The following PLEKHG1 variants were observed in gnomAD, a reference collection of about 807,000 sequenced individuals.
The protein encoded by PLEKHG1 is pleckstrin homology domain-containing family G member 1.
A neutral mutation model predicts 100.8 loss-of-function variants in PLEKHG1; 44 were observed. That is an observed-to-expected ratio of 0.44 (90% CI 0.34 to 0.56). The LOEUF (loss-of-function observed/expected upper bound fraction) is 0.56. Among genes scored for constraint, PLEKHG1 ranks in the 20% least tolerant of loss-of-function variants. The pLI, the probability that PLEKHG1 is intolerant of heterozygous loss-of-function variation, is 0.01. For missense variants in PLEKHG1, 1,545 were observed against 1,720.9 expected, an observed-to-expected ratio of 0.90 and a Z score of 1.81; for synonymous variants, 640 against 662.5, an observed-to-expected ratio of 0.97 and a Z score of 0.52.
At chr6:150,671,962 C>T (rs551064426) in intron 3 of PLEKHG1, among the ~76,000 whole-genome samples, 3 of 152,086 alleles carry the variant, frequency 2.0e-5, no homozygotes, top group Non-Finnish European at 4.4e-5. Flanking sequence ...GTGATGGAAT[C>T]CAGTTCAGCT....
intron 1 of PLEKHG1, among the ~76,000 whole-genome samples, chr6:150,603,567 A>G (rs916215126): frequency 6.6e-6 from 1 of 152,186 alleles, no homozygotes; most frequent in African/African-American, 2.4e-5. Flanking sequence ...AAACAGCTTC[A>G]GGTATGCCTG....
rs535066631 is a variant in PLEKHG1, at chr6:150,785,907, T to C, written c.513-483T>C. Among the ~76,000 whole-genome samples the C allele has an allele frequency of 7.2e-5, 11 of 152,182 alleles. No homozygotes were observed. The South Asian group carries it at 1.9e-3, about 26-fold the overall frequency. On this transcript the variant is annotated intron_variant, in intron 3 of 15. Transcript: ENST00000358517. Reference sequence around the variant, plus strand: ...TATGAGAATCTAATGGTAAGTGTAATGCACTTGAGTCATCCCAAAACCATC... The same window carrying C: ...TATGAGAATCTAATGGTAAGTGTAACGCACTTGAGTCATCCCAAAACCATC...
At chr6:150,668,213 G>T (rs992145206) in intron 3 of PLEKHG1, among the ~76,000 whole-genome samples, 2 of 152,196 alleles carry the variant, frequency 1.3e-5, no homozygotes, top group African/African-American at 4.8e-5. Flanking sequence ...AGCATTGGCT[G>T]CCCTACCTGT....
At chr6:150,832,036 G>A (rs894179068) in exon 15 of PLEKHG1, 2 of 1,614,086 alleles carry the variant, frequency 1.2e-6, no homozygotes, top group Non-Finnish European at 8.5e-7. Context: ...CAAAAAGCAG[G>A]GTGTTTATGA....
At chr6:150,810,075 C>A (rs1192610948) in intron 10 of PLEKHG1, among the ~76,000 whole-genome samples, 1 of 151,958 alleles carries the variant, frequency 6.6e-6, no homozygotes, top group Non-Finnish European at 1.5e-5. Flanking sequence ...GCAGGTGGAA[C>A]ACTTGAGCCT....
At chr6:150,700,794 G>A (rs1780741600) in intron 3 of PLEKHG1, among the ~76,000 whole-genome samples, 1 of 152,138 alleles carries the variant, frequency 6.6e-6, no homozygotes, top group African/African-American at 2.4e-5. Flanking sequence ...CTCTGTCCTA[G>A]GAGAGAGTTG....
rs1782509726 is a variant in PLEKHG1 at position 150,735,332 on chromosome 6, TACTA to T, written c.411+1242_411+1245del. Reference sequence around the variant, plus strand: ...ATAAAGCTACACTTGCTTTGCTGCCTACTAATACACCAGATTCTTTCATTTGTTA... The same window carrying T: ...ATAAAGCTACACTTGCTTTGCTGCCTATACACCAGATTCTTTCATTTGTTA... On this transcript the variant is annotated intron_variant, in intron 2 of 15. Transcript: ENST00000358517. Among the ~76,000 whole-genome samples the T allele has an allele frequency of 7.2e-5, 11 of 152,318 alleles. 1 individual carries two copies. In the South Asian group the frequency reaches 2.3e-3, roughly 32 times the overall value.
At chr6:150,767,847 G>T (rs755932068) in intron 2 of PLEKHG1, among the ~76,000 whole-genome samples, 1 of 152,172 alleles carries the variant, frequency 6.6e-6, no homozygotes, top group Non-Finnish European at 1.5e-5. Flanking sequence ...CGTTATTTCA[G>T]CTGTTTTCAC....
chr6:150,685,297 C>T (rs1233118242), intron 3 of PLEKHG1, among the ~76,000 whole-genome samples: 1 of 152,084 alleles, frequency 6.6e-6, no homozygotes, highest in Admixed American at 6.6e-5. Flanking sequence ...GTGACAGGAA[C>T]AGAGATTTTG....
At chr6:150,735,925 C>T (rs1027352252) in intron 2 of PLEKHG1, among the ~76,000 whole-genome samples, 2 of 152,198 alleles carry the variant, frequency 1.3e-5, no homozygotes, top group Non-Finnish European at 2.9e-5. Flanking sequence ...CAGATAAAGA[C>T]AGAATTTATT....
In PLEKHG1 at chr6:150,736,312, G is replaced by T. The variant is rs182979540; in HGVS notation, c.411+2220G>T. ...GACCTGCCTCATAGGGTTATTATGA[G>T]AATTGGATAAGATAGCATAAAAAGC... On this transcript the variant is annotated intron_variant, in intron 2 of 15. Coordinates refer to ENST00000358517, the Ensembl canonical transcript of PLEKHG1. Among the ~76,000 whole-genome samples, 127 of 152,328 alleles carry T rather than the reference G, an allele frequency of 8.3e-4. 1 individual carries two copies. The highest frequency in any genetic ancestry group is 2.9e-3 in the African/African-American group (121 of 41,574).
chr6:150,649,371 C>T (rs1405327182), intron 2 of PLEKHG1, among the ~76,000 whole-genome samples: 1 of 152,190 alleles, frequency 6.6e-6, no homozygotes, highest in Non-Finnish European at 1.5e-5. Flanking sequence ...ATAATTAGCA[C>T]ATTCTGTGCC....
chr6:150,762,202 T>G (rs1006878734), intron 2 of PLEKHG1, among the ~76,000 whole-genome samples: 1 of 115,304 alleles, frequency 8.7e-6, no homozygotes, highest in African/African-American at 3.8e-5. Context: ...TCTCTTTTTC[T>G]TTTTTTTTTT....
chr6:150,833,890 CACTA>C (rs1255383414), intron 15 of PLEKHG1, among the ~76,000 whole-genome samples: 1 of 152,144 alleles, frequency 6.6e-6, no homozygotes, highest in Non-Finnish European at 1.5e-5. Context: ...AGGTTGATGC[CACTA>C]ACTATTAAAT....
At chr6:150,623,000 A>G (rs1180276317) in intron 1 of PLEKHG1, among the ~76,000 whole-genome samples, 1 of 151,260 alleles carries the variant, frequency 6.6e-6, no homozygotes, top group African/African-American at 2.4e-5. Context: ...TCCAATAGAT[A>G]TGGGTTCTTA....
exon 8 of PLEKHG1, chr6:150,809,137 G>C: frequency 6.2e-7 from 1 of 1,614,176 alleles, no homozygotes; most frequent in Admixed American, 1.7e-5. Context: ...ACTGGAAGGG[G>C]CCAGACCTGA....
intron 2 of PLEKHG1, among the ~76,000 whole-genome samples, chr6:150,641,108 TC>T (rs1420591827): frequency 2.0e-5 from 3 of 152,176 alleles, no homozygotes; most frequent in Admixed American, 6.5e-5. Context: ...TATTAGAGGC[TC>T]TTTTACGTTT....
rs140385056 is a variant in PLEKHG1 at position 150,624,085 on chromosome 6, C to T, written c.-203-13995C>T. Among the ~76,000 whole-genome samples the T allele has an allele frequency of 1.0e-3, 159 of 152,306 alleles. 1 individual carries two copies. The highest frequency in any genetic ancestry group is 3.4e-3 in the Middle Eastern group (1 of 294). On this transcript the variant is annotated intron_variant, in intron 1 of 3. Coordinates refer to the PLEKHG1 transcript ENST00000367326. ...AGGATCATCTATGTTAGGCACAATCCTCATGTAAGATCCTGCAGTGACTAC... is the reference window on the plus strand; with the variant it reads ...AGGATCATCTATGTTAGGCACAATCTTCATGTAAGATCCTGCAGTGACTAC...
chr6:150,685,769 G>A (rs1038341384), intron 3 of PLEKHG1, among the ~76,000 whole-genome samples: 1 of 152,168 alleles, frequency 6.6e-6, no homozygotes, highest in Non-Finnish European at 1.5e-5. Context: ...TCAGTTTTAG[G>A]TGATACGGGG....
Sources: allele counts gnomAD v4.1 joint callset (sites outside exome capture counted in the v4.1 genomes callset), GRCh38; gene constraint gnomAD v4.1.1; transcripts MANE v1.5; gene names NCBI Gene and HGNC (gene_info 2026-07-23, HGNC 2026-07-21).